Variants in CSMD1 observed in about 807,000 individuals in gnomAD.
CSMD1 encodes the protein CUB and Sushi multiple domains 1.
Under a neutral mutation model 417.5 loss-of-function variants are expected in CSMD1, and 213 were observed. The ratio of observed to expected loss-of-function variants is 0.51; its 90% CI spans 0.46 to 0.57. CSMD1 has a LOEUF of 0.57. Among genes scored for constraint, CSMD1 ranks in the 20% least tolerant of loss-of-function variants. The pLI is 0.00. For missense variants in CSMD1, 6,923 were observed against 4,529.7 expected (o/e 1.53, Z -15.17); for synonymous variants, 2,862 against 1,736.8 (o/e 1.65, Z -16.11).
chr8:4,061,297 TC>T (rs1798960725), intron 3 of CSMD1, among the ~76,000 whole-genome samples: 2 of 152,132 alleles, frequency 1.3e-5, no homozygotes, highest in Non-Finnish European at 2.9e-5. Flanking sequence ...GTACATCTTA[TC>T]ATACAAGAAT....
At chr8:3,799,233 T>C (rs1044433534) in intron 5 of CSMD1, among the ~76,000 whole-genome samples, 1 of 151,656 alleles carries the variant, frequency 6.6e-6, no homozygotes, top group Admixed American at 6.6e-5. Context: ...ATTCTACAGT[T>C]TTTTTTCTTT....
intron 2 of CSMD1, among the ~76,000 whole-genome samples, chr8:4,584,713 A>T (rs1363267475): frequency 6.6e-6 from 1 of 152,052 alleles, no homozygotes; most frequent in African/African-American, 2.4e-5. Flanking sequence ...CATCTATCCT[A>T]TCTATCCTGA....
At chr8:4,648,349 T>C (rs1324368165) in intron 1 of CSMD1, among the ~76,000 whole-genome samples, 3 of 152,194 alleles carry the variant, frequency 2.0e-5, no homozygotes, top group African/African-American at 7.2e-5. Context: ...AATGACATGA[T>C]CCACATTCTC....
chr8:4,471,021 G>C (rs928922394), intron 2 of CSMD1, among the ~76,000 whole-genome samples: 1 of 152,124 alleles, frequency 6.6e-6, no homozygotes, highest in Admixed American at 6.5e-5. Context: ...AGGATTCTAT[G>C]AAATATCTTT....
chr8:4,699,398 C>G (rs918520595), intron 1 of CSMD1, among the ~76,000 whole-genome samples: 2 of 152,182 alleles, frequency 1.3e-5, no homozygotes, highest in Admixed American at 6.5e-5. Flanking sequence ...GTACTGATCA[C>G]TCTATCATCT....
intron 54 of CSMD1, among the ~76,000 whole-genome samples, chr8:2,988,687 G>A (rs1056129502): frequency 1.3e-5 from 2 of 152,072 alleles, no homozygotes; most frequent in Admixed American, 6.6e-5. Flanking sequence ...ACTAATAAAA[G>A]GGATACCTTC....
intron 5 of CSMD1, among the ~76,000 whole-genome samples, chr8:3,769,042 G>C (rs1299098085): frequency 6.6e-6 from 1 of 152,184 alleles, no homozygotes; most frequent in Non-Finnish European, 1.5e-5. Flanking sequence ...TGGACAGGCA[G>C]GTGTGTTTGG....
At chr8:4,985,527 C>T (rs905287075) in intron 1 of CSMD1, among the ~76,000 whole-genome samples, 1 of 152,162 alleles carries the variant, frequency 6.6e-6, no homozygotes, top group African/African-American at 2.4e-5. Flanking sequence ...CTTCCCAATT[C>T]TCTTCCTATC....
intron 10 of CSMD1, among the ~76,000 whole-genome samples, chr8:3,531,729 A>G (rs1169291923): frequency 6.6e-6 from 1 of 152,222 alleles, no homozygotes; most frequent in Non-Finnish European, 1.5e-5. Flanking sequence ...AAAAAACCCC[A>G]AGAAATCACT....
At chr8:3,103,477 G>A (rs1414224878) in intron 46 of CSMD1, among the ~76,000 whole-genome samples, 2 of 151,988 alleles carry the variant, frequency 1.3e-5, no homozygotes, top group Admixed American at 1.3e-4. Context: ...GGAACACAAG[G>A]GTAAGCATTC....
chr8:3,849,615 G>A (rs565365883), intron 5 of CSMD1, among the ~76,000 whole-genome samples: 339 of 152,270 alleles, frequency 2.2e-3, no homozygotes, highest in Non-Finnish European at 3.4e-3. Flanking sequence ...TCCTGGGCCT[G>A]TCTGCTGGAG....
At chr8:3,237,521 A>C (rs1040444852) in intron 26 of CSMD1, among the ~76,000 whole-genome samples, 14 of 147,474 alleles carry the variant, frequency 9.5e-5, no homozygotes, top group African/African-American at 3.4e-4. Context: ...TTTTATATTA[A>C]ATATTATATA....
At chr8:3,560,848 A>T (rs967766282) in intron 10 of CSMD1, among the ~76,000 whole-genome samples, 6 of 152,166 alleles carry the variant, frequency 3.9e-5, no homozygotes, top group Non-Finnish European at 5.9e-5. Flanking sequence ...CTTAGGGTAA[A>T]GGGTCTTTTG....
intron 3 of CSMD1, among the ~76,000 whole-genome samples, chr8:4,299,365 G>A (rs892182792): frequency 6.6e-6 from 1 of 152,118 alleles, no homozygotes; most frequent in African/African-American, 2.4e-5. Context: ...CATATTGTAA[G>A]TGTCTGAAGT....
At chr8:4,761,965 A>G (rs1812138660) in intron 1 of CSMD1, among the ~76,000 whole-genome samples, 1 of 150,732 alleles carries the variant, frequency 6.6e-6, no homozygotes, top group South Asian at 2.1e-4. Context: ...CTATCTATCT[A>G]GATTCCCAGT....
chr8:4,844,841 A>C (rs1243470769), intron 1 of CSMD1, among the ~76,000 whole-genome samples: 1 of 152,182 alleles, frequency 6.6e-6, no homozygotes, highest in Admixed American at 6.5e-5. Flanking sequence ...TTAAAAATTT[A>C]AAAAGCTAAG....
intron 3 of CSMD1, among the ~76,000 whole-genome samples, chr8:4,317,633 G>C (rs1462135814): frequency 2.7e-5 from 4 of 150,666 alleles, no homozygotes; most frequent in Admixed American, 6.6e-5. Flanking sequence ...GAGAGAGAGA[G>C]ACAATTTTAT....
At chr8:3,784,283 C>G (rs1297738771) in intron 5 of CSMD1, among the ~76,000 whole-genome samples, 1 of 152,078 alleles carries the variant, frequency 6.6e-6, no homozygotes, top group African/African-American at 2.4e-5. Flanking sequence ...TACTAAATTT[C>G]TCAGATAAAT....
chr8:4,127,453 G>GA (rs199764792), intron 3 of CSMD1, among the ~76,000 whole-genome samples: 1 of 102,724 alleles, frequency 9.7e-6, no homozygotes, highest in African/African-American at 3.8e-5. Context: ...AAGCATTAAT[G>GA]AAAAAAAAAA....
Sources: gnomAD v4.1 joint callset for allele counts (sites outside exome capture counted in the v4.1 genomes callset) on GRCh38, gnomAD v4.1.1 for gene constraint, MANE v1.5 for transcripts, NCBI Gene and HGNC (gene_info 2026-07-23, HGNC 2026-07-21) for gene names.